The following GPSM2 variants were observed in gnomAD, a reference collection of about 807,000 sequenced individuals.
GPSM2 encodes G protein-signaling modulator 2.
In GPSM2, 58 loss-of-function variants were observed where a neutral mutation model predicts 78.4. The ratio of observed to expected loss-of-function variants is 0.74; its 90% CI spans 0.60 to 0.92. The LOEUF (loss-of-function observed/expected upper bound fraction) is 0.92. Among genes scored for constraint, GPSM2 ranks in the 40% least tolerant of loss-of-function variants. The pLI, the probability that GPSM2 is intolerant of heterozygous loss-of-function variation, is 0.00. For synonymous variants in GPSM2, 224 were observed against 280.2 expected, an observed-to-expected ratio of 0.80 and a Z score of 2.00; for missense variants, 700 against 815.5, an observed-to-expected ratio of 0.86 and a Z score of 1.73.
chr1:108,878,772 A>G (rs1665751294), intron 1 of GPSM2, among the ~76,000 whole-genome samples: 1 of 152,242 alleles, frequency 6.6e-6, no homozygotes, highest in Non-Finnish European at 1.5e-5. Flanking sequence ...TTTGTTATGT[A>G]TCAGAGCCAG....
chr1:108,915,188 T>C (rs548569480), intron 11 of GPSM2, among the ~76,000 whole-genome samples: 121 of 151,592 alleles, frequency 8.0e-4, no homozygotes, highest in African/African-American at 2.5e-3. Context: ...CTGGCCAACA[T>C]GGTGAAACCC....
intron 7 of GPSM2, among the ~76,000 whole-genome samples, chr1:108,901,460 CAATACT>C (rs1353034143): frequency 1.3e-5 from 2 of 152,046 alleles, no homozygotes; most frequent in Non-Finnish European, 2.9e-5. Flanking sequence ...TAGCTATTGC[CAATACT>C]AAAGGGAAAG....
intron 2 of GPSM2, among the ~76,000 whole-genome samples, chr1:108,888,497 C>T (rs1436794597): frequency 1.3e-5 from 2 of 152,078 alleles, no homozygotes; most frequent in Non-Finnish European, 1.5e-5. Flanking sequence ...ACAGCTATGC[C>T]TGGCTAATTT....
intron 10 of GPSM2, among the ~76,000 whole-genome samples, chr1:108,913,327 C>T (rs940686839): frequency 1.3e-5 from 2 of 152,196 alleles, no homozygotes; most frequent in African/African-American, 4.8e-5. Flanking sequence ...ATATCTGTCA[C>T]TAATAAAATG....
At chr1:108,900,531 A>G (rs1365341874) in intron 7 of GPSM2, among the ~76,000 whole-genome samples, 1 of 152,072 alleles carries the variant, frequency 6.6e-6, no homozygotes, top group African/African-American at 2.4e-5. Context: ...GAACCACCAC[A>G]CCCAGCCTGG....
At position 108,878,768 on chromosome 1, in the gene GPSM2, A is replaced by G. The variant is rs553309590; in HGVS notation, c.-249+1540A>G. Among the ~76,000 whole-genome samples, 14 of 152,322 alleles carry G rather than the reference A, an allele frequency of 9.2e-5. No homozygotes were observed. In the East Asian group the frequency reaches 2.1e-3, roughly 23 times the overall value. On this transcript the variant is annotated intron_variant, in intron 1 of 14. Transcript: ENST00000264126. ...CAGCACTATGTTGAGTACTTTTGTTATGTATCAGAGCCAGGTGCTGGGTCA... is the reference window on the plus strand; with the variant it reads ...CAGCACTATGTTGAGTACTTTTGTTGTGTATCAGAGCCAGGTGCTGGGTCA...
At chr1:108,902,392 A>G (rs921336779) in intron 8 of GPSM2, among the ~76,000 whole-genome samples, 3 of 151,992 alleles carry the variant, frequency 2.0e-5, no homozygotes, top group African/African-American at 4.8e-5. Flanking sequence ...AAAAAAAAAA[A>G]AAAAAGTTTT....
intron 11 of GPSM2, among the ~76,000 whole-genome samples, chr1:108,915,109 G>A (rs186341162): frequency 5.3e-5 from 8 of 151,926 alleles, no homozygotes; most frequent in Admixed American, 2.0e-4. Flanking sequence ...ACGGTGGCTC[G>A]CGCCTGTAAT....
chr1:108,894,332 C>T (rs997268669), intron 2 of GPSM2, among the ~76,000 whole-genome samples: 2 of 152,190 alleles, frequency 1.3e-5, no homozygotes, highest in African/African-American at 2.4e-5. Flanking sequence ...TCTCCTGTAT[C>T]TAATTGGCTT....
chr1:108,929,532 G>A, intron 14 of GPSM2, 169 bp from the exon 15 acceptor site: 1 of 660,248 alleles, frequency 1.5e-6, no homozygotes, highest in East Asian at 2.7e-5. Context: ...ATTTCTTTCA[G>A]AAATCAGGCT....
At chr1:108,904,078 TC>T in intron 9 of GPSM2, 46 bp from the exon 10 acceptor site, 1 of 1,339,848 alleles carries the variant, frequency 7.5e-7, no homozygotes, top group Non-Finnish European at 1.1e-6. Context: ...TCTTCACCAT[TC>T]TTTCTCTTTA....
chr1:108,927,948 G>A (rs1651254919), intron 14 of GPSM2, among the ~76,000 whole-genome samples: 1 of 152,146 alleles, frequency 6.6e-6, no homozygotes, highest in Non-Finnish European at 1.5e-5. Flanking sequence ...AGGCCACAGA[G>A]TGAGACCCTG....
At chr1:108,901,541 CCTTTA>C (rs773532981) in intron 7 of GPSM2, among the ~76,000 whole-genome samples, 22 of 152,092 alleles carry the variant, frequency 1.4e-4, no homozygotes, top group Admixed American at 2.6e-4. Flanking sequence ...TTTCAATACT[CCTTTA>C]CTTTGATGAA....
At chr1:108,895,458 G>A (rs567818949) in intron 2 of GPSM2, among the ~76,000 whole-genome samples, 1 of 152,292 alleles carries the variant, frequency 6.6e-6, no homozygotes, top group South Asian at 2.1e-4. Context: ...CCACAGACCA[G>A]TACTGTTGTA....
chr1:108,885,624 A>G lies in GPSM2; in HGVS notation c.56+46A>G, dbSNP rs777855956. The G allele has an allele frequency of 2.1e-5, 25 of 1,178,456 alleles. 1 individual carries two copies. The highest frequency in any genetic ancestry group is 1.9e-4 in the Middle Eastern group (1 of 5,248). 73.0% of individuals were successfully genotyped at this position (1,178,456 alleles called of 1,614,324 possible). ...ATGGATGACTTTTAATCCTTATTTTAAAGTGTTTTTAACTCTGATGACCAT... is the reference window on the plus strand; with the variant it reads ...ATGGATGACTTTTAATCCTTATTTTGAAGTGTTTTTAACTCTGATGACCAT... On this transcript the variant is annotated intron_variant, in intron 2 of 14. Transcript: ENST00000264126.
intron 8 of GPSM2, among the ~76,000 whole-genome samples, chr1:108,902,640 T>G (rs1648908246): frequency 6.6e-6 from 1 of 152,224 alleles, no homozygotes; most frequent in South Asian, 2.1e-4. Flanking sequence ...AACATTATTT[T>G]CCAGCATTTA....
intron 14 of GPSM2, chr1:108,924,417 T>C: frequency 1.6e-6 from 1 of 637,818 alleles, no homozygotes; most frequent in East Asian, 2.8e-5. Flanking sequence ...TTAAAGGATC[T>C]TACATTTTAG....
rs746839772 is a variant in GPSM2, at chr1:108,929,735, C to T, written c.1850C>T (p.Pro617Leu). 3.5e-5 allele frequency: 57 copies of T among 1,612,574 alleles called. No homozygotes were observed. The highest frequency in any genetic ancestry group is 4.6e-5 in the Non-Finnish European group (54 of 1,178,744). The change falls in exon 15 of 15, where the codon CCA (proline) becomes CTA (leucine). Residue 617 changes from proline to leucine, a missense_variant. Pro to Leu is a moderately conservative substitution (Grantham distance 98, BLOSUM62 -3). Coordinates refer to ENST00000264126, the MANE Select transcript of GPSM2 (RefSeq NM_013296.5). ...SRLDDQRCAP[P>L]PATTKGPTVP... The stretch of plus-strand genomic sequence containing the variant: ...TTAGATGATCAAAGATGTGCTCCAC[C>T]ACCTGCTACCACAAAGGGTCCGACA...
chr1:108,884,903 G>T (rs1440932968), intron 1 of GPSM2, among the ~76,000 whole-genome samples: 1 of 152,174 alleles, frequency 6.6e-6, no homozygotes, highest in East Asian at 1.9e-4. Context: ...ACTGAGTTTG[G>T]AGTTGACTAT....
Sources: gnomAD v4.1 joint callset for allele counts (sites outside exome capture counted in the v4.1 genomes callset) on GRCh38, gnomAD v4.1.1 for gene constraint, MANE v1.5 for transcripts, NCBI Gene and HGNC (gene_info 2026-07-23, HGNC 2026-07-21) for gene names.